Variants in DNAJC11 observed in about 807,000 individuals in gnomAD.
The protein encoded by DNAJC11 is DnaJ heat shock protein family (Hsp40) member C11, also known as dnaJ homolog subfamily C member 11.
DNAJC11 carries 15 observed loss-of-function variants against 78.6 expected under a neutral mutation model. The observed-to-expected ratio is 0.19, with a 90% confidence interval of 0.13 to 0.29. DNAJC11 has a LOEUF of 0.29. Ranked by LOEUF, DNAJC11 falls within the 10% of genes least tolerant of loss-of-function variation. The pLI, the probability that DNAJC11 is intolerant of heterozygous loss-of-function variation, is 1.00. For synonymous variants in DNAJC11, 292 were observed against 272.1 expected, an observed-to-expected ratio of 1.07 and a Z score of -0.72; for missense variants, 547 against 709.6, an observed-to-expected ratio of 0.77 and a Z score of 2.60.
At chr1:6,672,373 C>T (rs778759500) in intron 3 of DNAJC11, among the ~76,000 whole-genome samples, 2 of 152,146 alleles carry the variant, frequency 1.3e-5, no homozygotes, top group African/African-American at 2.4e-5. Flanking sequence ...TGTGAAGCTT[C>T]ACAAAGGCTG....
At chr1:6,687,011 A>G (rs1251259818) in intron 1 of DNAJC11, among the ~76,000 whole-genome samples, 2 of 152,242 alleles carry the variant, frequency 1.3e-5, no homozygotes, top group African/African-American at 4.8e-5. Flanking sequence ...GTTCCCCAAT[A>G]ATCTGATGGA....
Position 6,652,452 on chromosome 1 carries a change from C to T in DNAJC11, c.630+377G>A, listed in dbSNP as rs1041210136. On this transcript the variant is annotated intron_variant, in intron 6 of 15. Transcript: ENST00000377577. Reference sequence around the variant, plus strand: ...CCTATTTATTTATTTATTTTTGAGACGGAATTTTGCTCTTGTCCCCCAGAC... The same window carrying T: ...CCTATTTATTTATTTATTTTTGAGATGGAATTTTGCTCTTGTCCCCCAGAC... Among the ~76,000 whole-genome samples the T allele has an allele frequency of 4.6e-5, 7 of 152,004 alleles. No individual in the cohort carries two copies. In the East Asian group the frequency reaches 7.7e-4, roughly 17 times the overall value.
At chr1:6,686,945 T>C (rs1327584313) in intron 1 of DNAJC11, among the ~76,000 whole-genome samples, 1 of 152,244 alleles carries the variant, frequency 6.6e-6, no homozygotes, top group Non-Finnish European at 1.5e-5. Context: ...TATATTCTAC[T>C]GGATTTTGGG....
At chr1:6,662,118 ATTGTTTTTTGTTTT>A (rs138752092) in intron 4 of DNAJC11, among the ~76,000 whole-genome samples, 4 of 131,966 alleles carry the variant, frequency 3.0e-5, no homozygotes, top group East Asian at 2.1e-4. Flanking sequence ...TGCCCAGTTA[ATTGTTTTTTGTTTT>A]TTGTTTTTTT....
At chr1:6,665,086 T>G (rs1642274329) in intron 4 of DNAJC11, among the ~76,000 whole-genome samples, 1 of 152,148 alleles carries the variant, frequency 6.6e-6, no homozygotes, top group African/African-American at 2.4e-5. Flanking sequence ...TGTTTTTGTT[T>G]AAGACAGGAC....
At chr1:6,690,322 G>A (rs550273305) in intron 1 of DNAJC11, among the ~76,000 whole-genome samples, 2 of 152,218 alleles carry the variant, frequency 1.3e-5, no homozygotes, top group African/African-American at 2.4e-5. Context: ...TTTGACAGTC[G>A]CATATCCACT....
At chr1:6,657,622 T>A (rs1642147088) in intron 4 of DNAJC11, among the ~76,000 whole-genome samples, 1 of 152,158 alleles carries the variant, frequency 6.6e-6, no homozygotes, top group African/African-American at 2.4e-5. Context: ...CAGACTAAAG[T>A]CTGTAGATAC....
intron 4 of DNAJC11, among the ~76,000 whole-genome samples, chr1:6,659,940 C>G (rs1416204524): frequency 6.6e-6 from 1 of 151,382 alleles, no homozygotes; most frequent in Non-Finnish European, 1.5e-5. Context: ...CCTGGAGTTC[C>G]AGCTACTCGG....
chr1:6,664,149 A>G (rs1167139125), intron 4 of DNAJC11, among the ~76,000 whole-genome samples: 1 of 151,996 alleles, frequency 6.6e-6, no homozygotes, highest in Non-Finnish European at 1.5e-5. Flanking sequence ...CACATTCCAC[A>G]CTAGTCCATA....
intron 3 of DNAJC11, among the ~76,000 whole-genome samples, chr1:6,673,850 A>G (rs1642419222): frequency 6.6e-6 from 1 of 152,218 alleles, no homozygotes; most frequent in Non-Finnish European, 1.5e-5. Flanking sequence ...TGCTTTTAAT[A>G]CAGGCTGACT....
chr1:6,661,584 A>C (rs1278963497), intron 4 of DNAJC11, among the ~76,000 whole-genome samples: 1 of 152,172 alleles, frequency 6.6e-6, no homozygotes, highest in Non-Finnish European at 1.5e-5. Flanking sequence ...CTGATTAACC[A>C]GGCTCTGGTC....
chr1:6,660,621 T>A (rs1642197068), intron 4 of DNAJC11, among the ~76,000 whole-genome samples: 1 of 152,234 alleles, frequency 6.6e-6, no homozygotes, highest in South Asian at 2.1e-4. Flanking sequence ...ACTTTGCGAA[T>A]AAATCAACCA....
intron 5 of DNAJC11, 33 bp from the exon 6 acceptor site, chr1:6,652,984 C>A: frequency 6.2e-7 from 1 of 1,613,206 alleles, no homozygotes; most frequent in Non-Finnish European, 8.5e-7. Context: ...ATGAATGAAT[C>A]AAAACAACAG....
At chr1:6,637,041 G>T (rs1418682493) in intron 14 of DNAJC11, among the ~76,000 whole-genome samples, 157 bp downstream of exon 14, 1 of 152,246 alleles carries the variant, frequency 6.6e-6, no homozygotes, top group Non-Finnish European at 1.5e-5. Context: ...GTAGAGATAG[G>T]GTTTTGCCAT....
chr1:6,639,448 G>A (rs1021029433), intron 11 of DNAJC11, among the ~76,000 whole-genome samples: 5 of 151,366 alleles, frequency 3.3e-5, no homozygotes, highest in South Asian at 4.2e-4. Context: ...TCCTGTCTCA[G>A]CCTCCCAGGT....
chr1:6,660,348 G>A (rs1035706922), intron 4 of DNAJC11, among the ~76,000 whole-genome samples: 6 of 151,868 alleles, frequency 4.0e-5, no homozygotes, highest in Non-Finnish European at 7.4e-5. Flanking sequence ...GTAGAGACGC[G>A]GTTTTGCCAT....
chr1:6,647,113 C>T (rs894154430), intron 7 of DNAJC11, among the ~76,000 whole-genome samples: 1 of 120,724 alleles, frequency 8.3e-6, no homozygotes, highest in African/African-American at 3.2e-5. Context: ...GACGGAGTTT[C>T]GCTCGTCCAG....
At chr1:6,655,329 C>A (rs949722696) in intron 4 of DNAJC11, among the ~76,000 whole-genome samples, 3 of 152,134 alleles carry the variant, frequency 2.0e-5, no homozygotes, top group African/African-American at 7.2e-5. Flanking sequence ...AACCCATGGA[C>A]TAGAAACATC....
At chr1:6,675,074 T>C (rs1642440226) in intron 3 of DNAJC11, among the ~76,000 whole-genome samples, 1 of 152,220 alleles carries the variant, frequency 6.6e-6, no homozygotes, top group Non-Finnish European at 1.5e-5. Flanking sequence ...GAACAATCCA[T>C]CCAGCTGTAG....
Sources: gnomAD v4.1 joint callset for allele counts (sites outside exome capture counted in the v4.1 genomes callset) on GRCh38, gnomAD v4.1.1 for gene constraint, MANE v1.5 for transcripts, NCBI Gene and HGNC (gene_info 2026-07-23, HGNC 2026-07-21) for gene names.